Variants in NUB1 observed in about 807,000 individuals in gnomAD.
NUB1 encodes the protein negative regulator of ubiquitin like proteins 1, also known as NEDD8 ultimate buster 1.
Under a neutral mutation model 77.1 loss-of-function variants are expected in NUB1, and 41 were observed. The observed-to-expected ratio is 0.53, with a 90% CI of 0.41 to 0.69. The LOEUF is 0.69. Ranked by LOEUF, NUB1 falls within the 30% of genes least tolerant of loss-of-function variation. The pLI is 0.00. For missense variants in NUB1, 643 were observed against 743.8 expected, an observed-to-expected ratio of 0.86 and a Z score of 1.58; for synonymous variants, 257 against 281.0, an observed-to-expected ratio of 0.91 and a Z score of 0.85.
intron 4 of NUB1, chr7:151,352,241 A>G (rs912559121): frequency 6.6e-6 from 3 of 452,702 alleles, no homozygotes; most frequent in Admixed American, 2.4e-5. Flanking sequence ...TCCTGTTCAC[A>G]TGGATCTACA....
chr7:151,356,193 T>A lies in NUB1; in HGVS notation c.664T>A (p.Ser222Thr). The A allele has an allele frequency of 6.2e-7, 1 of 1,613,432 alleles. No homozygotes were observed. Among genetic ancestry groups the A allele is most frequent in the Non-Finnish European group, 8.5e-7 (1 of 1,179,380 alleles). ...YLDIANQTGR[S>T]IRIPPSERKA... The stretch of plus-strand genomic sequence containing the variant: ...AGACATAGCTAACCAGACAGGCAGA[T>A]CAATCAGAATTCCCCCATCAGAAAG... The change falls in exon 7 of 15, where the codon TCA becomes ACA. Residue 222 changes from serine (S) to threonine (T), a missense_variant. Physicochemically the swap from Ser to Thr is moderately conservative, Grantham distance 58 (BLOSUM62 1). Coordinates refer to ENST00000568733, the MANE Select transcript of NUB1 (RefSeq NM_001243351.2).
At chr7:151,344,914 T>G (rs536412805) in intron 1 of NUB1, among the ~76,000 whole-genome samples, 149 of 151,964 alleles carry the variant, frequency 9.8e-4, no homozygotes, top group Middle Eastern at 3.4e-3. Context: ...GCAGGGGAAT[T>G]GCTTGAACCC....
At chr7:151,356,528 A>G (rs1172476404) in intron 7 of NUB1, among the ~76,000 whole-genome samples, 2 of 152,206 alleles carry the variant, frequency 1.3e-5, no homozygotes, top group African/African-American at 2.4e-5. Flanking sequence ...CTTTACATTT[A>G]GTTTATTTTA....
At chr7:151,361,393 C>T (rs1244976316) in intron 8 of NUB1, 1 of 152,114 alleles carries the variant, frequency 6.6e-6, no homozygotes, top group Non-Finnish European at 1.5e-5. Flanking sequence ...TTTGACCTGA[C>T]CCTGCTAGTC....
intron 2 of NUB1, among the ~76,000 whole-genome samples, chr7:151,347,433 T>C (rs1258396059): frequency 1.3e-5 from 2 of 151,808 alleles, no homozygotes; most frequent in African/African-American, 4.8e-5. Flanking sequence ...AAAAAGTATA[T>C]ATAGGTTTAT....
chr7:151,342,087 G>T, intron 1 of NUB1: 1 of 544,826 alleles, frequency 1.8e-6, no homozygotes, highest in Non-Finnish European at 2.8e-6. Context: ...GCAGAGGTGT[G>T]GGGTATTTAA....
At chr7:151,368,266 C>T (rs1264460331) in intron 10 of NUB1, among the ~76,000 whole-genome samples, 2 of 152,174 alleles carry the variant, frequency 1.3e-5, no homozygotes, top group Non-Finnish European at 2.9e-5. Context: ...GCGAGGCGTC[C>T]TAGGTTGCTC....
chr7:151,357,046 T>TTGCCC (rs1388886294), intron 7 of NUB1, among the ~76,000 whole-genome samples: 1 of 152,100 alleles, frequency 6.6e-6, no homozygotes, highest in Non-Finnish European at 1.5e-5. Context: ...ACACAGGGTC[T>TTGCCC]TGCCCTGTCA....
chr7:151,352,763 T>A, intron 4 of NUB1, 49 bp from the exon 5 acceptor site: 1 of 1,218,944 alleles, frequency 8.2e-7, no homozygotes, highest in Non-Finnish European at 1.2e-6. Flanking sequence ...TAATGGATAA[T>A]AAATCGCAAT....
chr7:151,346,095 T>C (rs1796495939), intron 2 of NUB1, among the ~76,000 whole-genome samples: 1 of 152,238 alleles, frequency 6.6e-6, no homozygotes, highest in Non-Finnish European at 1.5e-5. Flanking sequence ...ATTCAGAGTA[T>C]CCTGAACATG....
chr7:151,355,967 G>T lies in NUB1; in HGVS notation c.598+17G>T, dbSNP rs1298875556. ...CAAAGAGAGGTACCCAGAGCTCTGG[G>T]CTTGTCACCCACTCAGCTGCTTGGG... is the stretch of plus-strand genomic sequence containing the variant. On this transcript the variant is annotated intron_variant, in intron 6 of 14. Transcript: ENST00000568733. 3 of 1,612,008 alleles carry T rather than the reference G, an allele frequency of 1.9e-6. No homozygotes were observed. The highest frequency in any genetic ancestry group is 2.5e-6 in the Non-Finnish European group (3 of 1,178,580).
chr7:151,376,439 G>A (rs1025119267), intron 13 of NUB1, 195 bp from the exon 14 acceptor site: 60 of 579,912 alleles, frequency 1.0e-4, no homozygotes, highest in Admixed American at 2.6e-4. Context: ...TGACGCACCC[G>A]ACTTGAGTCT....
At position 151,345,006 on chromosome 7, in the gene NUB1, G is replaced by GA. The variant is rs201314563; in HGVS notation, c.-2-335dup. Among the ~76,000 whole-genome samples, 777 of 151,338 alleles carry GA rather than the reference G, an allele frequency of 5.1e-3. 5 individuals carry two copies. Among genetic ancestry groups the GA allele is most frequent in the African/African-American group, 0.015 (623 of 41,334 alleles). On this transcript the variant is annotated intron_variant, in intron 1 of 14. Transcript: ENST00000568733. ...CAGAGCGAGACTCCGTCTCAAAAAAGAAAAAAAGAAGTTCACGACTCGAGG... is the reference window on the plus strand; with the variant it reads ...CAGAGCGAGACTCCGTCTCAAAAAAGAAAAAAAAGAAGTTCACGACTCGAGG...
chr7:151,362,451 G>C lies in NUB1; in HGVS notation c.800+2204G>C, dbSNP rs188353331. Among the ~76,000 whole-genome samples the C allele has an allele frequency of 1.8e-3, 271 of 152,286 alleles. 5 individuals are homozygous for C. The highest frequency in any genetic ancestry group is 0.017 in the Admixed American group (254 of 15,300). ...CCTTACTTCTCCAAGTAAGCTAGAA[G>C]TTTTGTCACAACTTCCTACCATATG... On this transcript the variant is annotated intron_variant, in intron 8 of 14. Transcript: ENST00000568733.
At chr7:151,343,230 T>C (rs540840001) in intron 1 of NUB1, among the ~76,000 whole-genome samples, 2 of 152,362 alleles carry the variant, frequency 1.3e-5, no homozygotes, top group South Asian at 4.1e-4. Context: ...GATTCTCCCA[T>C]GGGCCACCCA....
rs546388765 is a variant in NUB1 at position 151,369,005 on chromosome 7, A to G, written c.1248+118A>G. ...ACTCCAGATTGGGAAGGAAGGAGAA[A>G]CTTGTCCTTTTTTTTTTCTTGAGAC... On this transcript the variant is annotated intron_variant, in intron 11 of 14. Transcript: ENST00000568733. 2.6e-6 allele frequency: 3 copies of G among 1,163,184 alleles called. No homozygotes were observed. The East Asian group carries it at 8.7e-5, about 34-fold the overall frequency. The allele number at this position is 1,163,184 out of a possible 1,614,324, so 72.1% of individuals were successfully genotyped here.
intron 8 of NUB1, among the ~76,000 whole-genome samples, chr7:151,364,448 A>T (rs1489294311): frequency 6.6e-6 from 1 of 151,858 alleles, no homozygotes; most frequent in Admixed American, 6.6e-5. Flanking sequence ...AAAACAAAAA[A>T]AAAAACAAAA....
rs933899292 is a variant in NUB1, at chr7:151,355,627, C to T, written c.416-141C>T. 6.4e-6 allele frequency: 5 copies of T among 786,224 alleles called. 1 individual carries two copies. Among genetic ancestry groups the T allele is most frequent in the Admixed American group, 6.1e-5 (2 of 32,906 alleles). 48.7% of individuals were successfully genotyped at this position (786,224 alleles called of 1,614,324 possible). On this transcript the variant is annotated intron_variant, in intron 5 of 14. Transcript: ENST00000568733. Reference sequence around the variant, plus strand: ...GATGAAGGCTGTGGGGAGCCATGATCGTGTCACTGCACTCCAGCCTGGGTG... The same window carrying T: ...GATGAAGGCTGTGGGGAGCCATGATTGTGTCACTGCACTCCAGCCTGGGTG...
rs1214538420 is a variant in NUB1 at position 151,351,447 on chromosome 7, C to A, written c.309C>A (p.Thr103=). The A allele has an allele frequency of 1.2e-6, 2 of 1,612,928 alleles. No homozygotes were observed. The highest frequency in any genetic ancestry group is 3.3e-5 in the Admixed American group (2 of 59,894). ...AGGATAGGAAAAACTTGTTGGAGACCCGATTGCACATCACTGGCAGAGAAC... is the reference window on the plus strand; with the variant it reads ...AGGATAGGAAAAACTTGTTGGAGACACGATTGCACATCACTGGCAGAGAAC... ...LKKDRKNLLE[T]RLHITGRELR... is the part of the protein sequence containing the mutation. Residue 103 remains threonine (T), a synonymous_variant, in exon 4 of 15, where the codon ACC becomes ACA. Transcript: ENST00000568733.
Sources: allele counts gnomAD v4.1 joint callset (sites outside exome capture counted in the v4.1 genomes callset), GRCh38; gene constraint gnomAD v4.1.1; transcripts MANE v1.5; gene names NCBI Gene and HGNC (gene_info 2026-07-23, HGNC 2026-07-21).